The following TET1 variants were observed in gnomAD, a reference collection of about 807,000 sequenced individuals.
TET1 encodes methylcytosine dioxygenase TET1.
In TET1, 13 loss-of-function variants were observed where a neutral mutation model predicts 148.7. The ratio of observed to expected loss-of-function variants is 0.09; its 90% CI spans 0.06 to 0.14. TET1 has a LOEUF of 0.14. TET1 is among the 10% of genes least tolerant of loss of function. The probability of loss-of-function intolerance (pLI) is 1.00; values close to 1 mark genes in which losing one functional copy is unlikely to be tolerated. For missense variants in TET1, 2,182 were observed against 2,553.8 expected, an observed-to-expected ratio of 0.85 and a Z score of 3.14; for synonymous variants, 907 against 937.2, an observed-to-expected ratio of 0.97 and a Z score of 0.59.
At chr10:68,586,125 C>A (rs1057283042) in intron 2 of TET1, among the ~76,000 whole-genome samples, 5 of 152,116 alleles carry the variant, frequency 3.3e-5, no homozygotes, top group Admixed American at 2.6e-4. Flanking sequence ...CCTTCTGCCT[C>A]AGCCTCCTAA....
At chr10:68,656,766 C>G (rs905000244) in intron 6 of TET1, among the ~76,000 whole-genome samples, 2 of 152,198 alleles carry the variant, frequency 1.3e-5, no homozygotes, top group Non-Finnish European at 2.9e-5. Flanking sequence ...TGGCTCACGC[C>G]TGTAATCCCA....
intron 1 of TET1, among the ~76,000 whole-genome samples, chr10:68,561,295 G>T (rs999376022): frequency 2.6e-5 from 4 of 152,106 alleles, no homozygotes; most frequent in African/African-American, 9.7e-5. Flanking sequence ...GTAGGGAAAC[G>T]CTTTGGCGCC....
At chr10:68,679,705 G>A (rs1010752154) in intron 8 of TET1, among the ~76,000 whole-genome samples, 1 of 151,972 alleles carries the variant, frequency 6.6e-6, no homozygotes, top group Non-Finnish European at 1.5e-5. Context: ...ACAGAGTCTG[G>A]CTCTGTCTCC....
rs56945020 is a variant in TET1 at position 68,668,976 on chromosome 10, GGAGA to G, written c.4673+1741_4673+1744del. Among the ~76,000 whole-genome samples, 366 of 148,670 alleles carry G rather than the reference GGAGA, an allele frequency of 2.5e-3. 1 individual carries two copies. The highest frequency in any genetic ancestry group is 4.2e-3 in the Non-Finnish European group (285 of 67,138). On this transcript the variant is annotated intron_variant, in intron 7 of 11. Transcript: ENST00000373644. ...CTCCAACCTGAGCAACATGGCAAAA[GGAGA>G]GAGAGAGAGAGAGAGAGAGAACTTC...
chr10:68,681,698 A>C (rs1396675980), intron 9 of TET1, among the ~76,000 whole-genome samples: 1 of 152,080 alleles, frequency 6.6e-6, no homozygotes, highest in Non-Finnish European at 1.5e-5. Context: ...CAAGCTCGTT[A>C]GCTCACGCCT....
chr10:68,686,524 C>T lies in TET1; in HGVS notation c.5221C>T (p.Arg1741Cys), dbSNP rs1471278863. 11 of 1,613,868 alleles carry T rather than the reference C, an allele frequency of 6.8e-6. No homozygotes were observed. The highest frequency in any genetic ancestry group is 4.4e-5 in the South Asian group (4 of 91,088). The change falls in exon 11 of 12, where the codon CGC (arginine) becomes TGC (cysteine). Residue 1741 changes from arginine (R) to cysteine (C), a missense_variant. Physicochemically the swap from Arg to Cys is radical, Grantham distance 180 (BLOSUM62 -3). Transcript: ENST00000373644. ...GGCCATCGAGGTCCTGGCACCCCGCCGCAAAAAAAGAACGTGTTTCACTCA... is the reference window on the plus strand; with the variant it reads ...GGCCATCGAGGTCCTGGCACCCCGCTGCAAAAAAAGAACGTGTTTCACTCA... ...SGAIEVLAPR[R>C]KKRTCFTQPV...
chr10:68,659,088 G>T (rs754471092), intron 6 of TET1, among the ~76,000 whole-genome samples: 1 of 152,078 alleles, frequency 6.6e-6, no homozygotes, highest in Non-Finnish European at 1.5e-5. Flanking sequence ...TTAGCCGGGC[G>T]TGGTGGCATA....
chr10:68,612,880 A>G (rs1054329134), intron 3 of TET1, among the ~76,000 whole-genome samples: 2 of 152,204 alleles, frequency 1.3e-5, no homozygotes, highest in African/African-American at 2.4e-5. Flanking sequence ...AGACTCCCAA[A>G]GTGCTGGAAT....
rs371505599 is a variant in TET1 at position 68,645,174 on chromosome 10, T to C, written c.2445T>C (p.His815=). The C allele has an allele frequency of 1.9e-5, 30 of 1,614,008 alleles. No individual in the cohort carries two copies. The highest frequency in any genetic ancestry group is 4.2e-6 in the Non-Finnish European group (5 of 1,179,986). ...TTGCTACTGATATGAGTTGTGATCATCTCAAGGGGAGAAGTAACGTTTTAG... is the reference window on the plus strand; with the variant it reads ...TTGCTACTGATATGAGTTGTGATCACCTCAAGGGGAGAAGTAACGTTTTAG... The part of the protein sequence containing the change: ...SSVATDMSCD[H]LKGRSNVLVF... The change falls in exon 4 of 12, where the codon CAT becomes CAC. Residue 815 remains histidine (H), a synonymous_variant. Coordinates refer to ENST00000373644, the MANE Select transcript of TET1 (RefSeq NM_030625.3).
At chr10:68,663,780 G>A (rs2133164156) in intron 6 of TET1, among the ~76,000 whole-genome samples, 1 of 152,280 alleles carries the variant, frequency 6.6e-6, no homozygotes, top group Non-Finnish European at 1.5e-5. Context: ...TTTGGAAGGA[G>A]GGTAATTAAA....
chr10:68,591,127 T>A (rs2053914432), intron 2 of TET1, among the ~76,000 whole-genome samples: 1 of 152,234 alleles, frequency 6.6e-6, no homozygotes, highest in Non-Finnish European at 1.5e-5. Flanking sequence ...AGTGCTGGGA[T>A]TACAGGCATG....
At chr10:68,587,306 A>C (rs1282832743) in intron 2 of TET1, among the ~76,000 whole-genome samples, 1 of 152,190 alleles carries the variant, frequency 6.6e-6, no homozygotes, top group Non-Finnish European at 1.5e-5. Context: ...AAGACAGTGG[A>C]AGGCCAGAGT....
chr10:68,622,203 TTCCTTCCTTCCTTCCTTCCC>T (rs1564973293), intron 3 of TET1, among the ~76,000 whole-genome samples: 4 of 133,526 alleles, frequency 3.0e-5, no homozygotes, highest in Admixed American at 7.6e-5. Flanking sequence ...CCTTCCTTCC[TTCCTTCCTTCCTTCCTTCCC>T]TCCTTCCTCC....
Position 68,624,658 on chromosome 10 carries a change from TTC to T in TET1, c.1969-20002_1969-20001del, listed in dbSNP as rs201414722. On this transcript the variant is annotated intron_variant, in intron 3 of 11. Transcript: ENST00000373644. The stretch of plus-strand genomic sequence containing the variant: ...TTTCTTTCTTTCTTTCTTTCTTTCT[TTC>T]TCTCTCTCTCTCTCTCTCTCTCTCT... Among the ~76,000 whole-genome samples, 301 of 95,210 alleles carry T rather than the reference TTC, an allele frequency of 3.2e-3. 3 individuals carry two copies. Among genetic ancestry groups the T allele is most frequent in the Admixed American group, 5.1e-3 (47 of 9,148 alleles). The allele number at this position is 95,210 out of a possible 152,430, so 62.5% of individuals were successfully genotyped here.
At chr10:68,685,500 TC>T (rs1172986126) in intron 10 of TET1, among the ~76,000 whole-genome samples, 2 of 152,138 alleles carry the variant, frequency 1.3e-5, no homozygotes, top group Non-Finnish European at 2.9e-5. Context: ...ACACCTGTAA[TC>T]CCAGCACTTA....
intron 8 of TET1, chr10:68,674,478 A>G (rs1310827537): frequency 4.9e-6 from 2 of 406,022 alleles, no homozygotes; most frequent in African/African-American, 2.1e-5. Context: ...AACCCAAGGA[A>G]CCATAATTGA....
At chr10:68,643,172 G>T (rs1025936927) in intron 3 of TET1, among the ~76,000 whole-genome samples, 3 of 146,996 alleles carry the variant, frequency 2.0e-5, no homozygotes, top group Admixed American at 1.4e-4. Flanking sequence ...GAGCTTGGGA[G>T]GATCATCTAA....
rs531819620 is a variant in TET1, at chr10:68,573,325, C to T, written c.987C>T (p.Phe329=). The T allele has an allele frequency of 6.2e-7, 1 of 1,614,096 alleles. No homozygotes were observed. The highest frequency in any genetic ancestry group is 1.3e-5 in the African/African-American group (1 of 75,022). ...GSTSPTSVIK[F]LLAGSKQATL... The stretch of plus-strand genomic sequence containing the variant: ...CGTCTCCTACCTCTGTAATAAAATT[C>T]CTCTTGGCAGGCTCAAAACAAGCGA... The change falls in exon 2 of 12, where the codon TTC becomes TTT. Residue 329 remains phenylalanine, a synonymous_variant. Coordinates refer to ENST00000373644, the MANE Select transcript of TET1 (RefSeq NM_030625.3).
At chr10:68,624,637 T>TTTCTTTCTTTCTTTCC (rs2054433334) in intron 3 of TET1, among the ~76,000 whole-genome samples, 1 of 45,508 alleles carries the variant, frequency 2.2e-5, no homozygotes, top group African/African-American at 1.5e-4. Flanking sequence ...TCTTTCTTTC[T>TTTCTTTCTTTCTTTCC]TTCTTTCTTT....
Sources: allele counts gnomAD v4.1 joint callset (sites outside exome capture counted in the v4.1 genomes callset), GRCh38; gene constraint gnomAD v4.1.1; transcripts MANE v1.5; gene names NCBI Gene and HGNC (gene_info 2026-07-23, HGNC 2026-07-21).